KIF2C: variants seen among roughly 807,000 people sequenced by gnomAD.
KIF2C encodes kinesin-like protein KIF2C.
A neutral mutation model predicts 97.4 loss-of-function variants in KIF2C; 34 were observed. The observed-to-expected ratio is 0.35, with a 90% CI of 0.27 to 0.46. The LOEUF is 0.46. KIF2C is among the 20% of genes least tolerant of loss of function. KIF2C has a pLI of 1.00. For synonymous variants in KIF2C, 313 were observed against 318.2 expected (o/e 0.98, Z 0.17); for missense variants, 750 against 907.6 (o/e 0.83, Z 2.23).
At chr1:44,747,333 A>G (rs1032217561) in intron 2 of KIF2C, 51 bp from the exon 3 acceptor site, 27 of 1,361,292 alleles carry the variant, frequency 2.0e-5, no homozygotes, top group African/African-American at 3.0e-5. Flanking sequence ...GAAAAAATGT[A>G]TTTGGATTGA....
Position 44,759,384 on chromosome 1 carries a change from C to T in KIF2C, c.1367+36C>T, listed in dbSNP as rs761206945. ...TGGTGAGGGGAAGGAGCGACCTTCT[C>T]ATGTCTGGTTTATGAGTAAAGTCTA... On this transcript the variant is annotated intron_variant, in intron 14 of 20. Transcript: ENST00000372224. 8.7e-6 allele frequency: 14 copies of T among 1,611,394 alleles called. No homozygotes were observed. The African/African-American group carries it at 1.1e-4, about 12-fold the overall frequency.
intron 2 of KIF2C, among the ~76,000 whole-genome samples, chr1:44,744,590 G>T (rs1313265863): frequency 1.3e-5 from 2 of 152,178 alleles, no homozygotes; most frequent in Non-Finnish European, 1.5e-5. Context: ...TCAGTTGATT[G>T]TCAGAGCAAG....
intron 18 of KIF2C, 22 bp from the exon 19 acceptor site, chr1:44,762,523 T>A: frequency 1.2e-6 from 2 of 1,611,564 alleles, no homozygotes; most frequent in South Asian, 2.2e-5. Flanking sequence ...CACATAATTG[T>A]CTTTCTTTTT....
At chr1:44,744,675 C>T (rs1458182180) in intron 2 of KIF2C, among the ~76,000 whole-genome samples, 5 of 152,014 alleles carry the variant, frequency 3.3e-5, no homozygotes, top group Admixed American at 2.6e-4. Flanking sequence ...CTGAAGCGGG[C>T]GGATCATGAG....
intron 2 of KIF2C, chr1:44,746,665 CTGTT>C: frequency 6.4e-7 from 1 of 1,573,354 alleles, no homozygotes; most frequent in Non-Finnish European, 8.6e-7. Context: ...GAGTACCCGA[CTGTT>C]TGCCTGCCTG....
chr1:44,753,035 C>T, intron 5 of KIF2C, 97 bp from the exon 6 acceptor site: 1 of 1,434,342 alleles, frequency 7.0e-7, no homozygotes, highest in South Asian at 1.3e-5. Flanking sequence ...ACCGAGCAGG[C>T]AGGTCGCTCT....
chr1:44,754,142 G>A (rs905283135), intron 7 of KIF2C, among the ~76,000 whole-genome samples: 4 of 151,566 alleles, frequency 2.6e-5, no homozygotes, highest in East Asian at 1.9e-4. Flanking sequence ...ACAGAGTTTC[G>A]CTATTTTGCC....
chr1:44,750,451 G>A lies in KIF2C; in HGVS notation c.326G>A (p.Ser109Asn). The change falls in exon 5 of 21, where the codon AGC (serine) becomes AAC (asparagine). Residue 109 changes from serine to asparagine, a missense_variant. Ser to Asn is a conservative substitution (Grantham distance 46, BLOSUM62 1). Transcript: ENST00000372224. ...GCTCTCGGTTCTCCAGGTCTTCGAA[G>A]CCGCTCCACTCGCATGTCCACTGTC... is the stretch of plus-strand genomic sequence containing the variant. ...KIPAPKESLR[S>N]RSTRMSTVSE... 6.1e-6 allele frequency: 9 copies of A among 1,482,588 alleles called. No individual in the cohort carries two copies. The highest frequency in any genetic ancestry group is 1.4e-5 in the South Asian group (1 of 71,610). The allele number at this position is 1,482,588 out of a possible 1,614,324, so 91.8% of individuals were successfully genotyped here. A position where few individuals can be genotyped will look rare whatever the true frequency, so the allele number is the denominator to read the frequency against.
At chr1:44,765,774 G>A (rs947980691) in intron 19 of KIF2C, among the ~76,000 whole-genome samples, 3 of 152,262 alleles carry the variant, frequency 2.0e-5, no homozygotes, top group Non-Finnish European at 2.9e-5. Context: ...TCATTTGACC[G>A]GGCGTGATGG....
At chr1:44,758,238 ATTAGC>A in intron 13 of KIF2C, 98 bp downstream of exon 13, 1 of 631,452 alleles carries the variant, frequency 1.6e-6, no homozygotes, top group Non-Finnish European at 2.4e-6. Context: ...CTATTAGCTG[ATTAGC>A]TGTCAAGCCA....
chr1:44,749,757 C>T (rs1352982167), intron 4 of KIF2C, among the ~76,000 whole-genome samples: 4 of 151,990 alleles, frequency 2.6e-5, no homozygotes, highest in Non-Finnish European at 5.9e-5. Context: ...TGCACTCCAG[C>T]CTGGGTGGCA....
Position 44,757,941 on chromosome 1 carries a change from A to C in KIF2C, c.1102A>C (p.Asn368His), listed in dbSNP as rs751326962. 1.2e-6 allele frequency: 2 copies of C among 1,614,194 alleles called. No individual in the cohort carries two copies. The highest frequency in any genetic ancestry group is 4.5e-5 in the East Asian group (2 of 44,882). The change falls in exon 12 of 21, where the codon AAT becomes CAT. Residue 368 changes from asparagine (N) to histidine (H), a missense_variant. Transcript: ENST00000372224. ...CGGAGACCTCTCTGGGAAAGCCCAG[A>C]ATGCATCCAAAGGGATCTATGCCAT... Reference protein sequence around the residue: ...MGGDLSGKAQNASKGIYAMAS... With the variant: ...MGGDLSGKAQHASKGIYAMAS...
chr1:44,758,017 G>C, intron 12 of KIF2C, 32 bp from the exon 13 acceptor site: 1 of 1,614,064 alleles, frequency 6.2e-7, no homozygotes, highest in Non-Finnish European at 8.5e-7. Context: ...CAGAAAGGCA[G>C]GTTGTTTGCT....
At position 44,753,747 on chromosome 1, in the gene KIF2C, T is replaced by C. The variant is rs778558539; in HGVS notation, c.577T>C (p.Cys193Arg). ...TGTTTTCATAGTTCGGAGGAAATCATGTCTTGTGAAGGAAGTGGAAAAAAT... is the reference window on the plus strand; with the variant it reads ...TGTTTTCATAGTTCGGAGGAAATCACGTCTTGTGAAGGAAGTGGAAAAAAT... ...NPVNSVRRKS[C>R]LVKEVEKMKN... The change falls in exon 7 of 21, where the codon TGT becomes CGT. Residue 193 changes from cysteine to arginine, a missense_variant. Transcript: ENST00000372224. 3.1e-6 allele frequency: 5 copies of C among 1,603,614 alleles called. No homozygotes were observed. The Admixed American group carries it at 6.9e-5, about 22-fold the overall frequency.
chr1:44,749,294 C>G (rs927488329), intron 4 of KIF2C, among the ~76,000 whole-genome samples: 1 of 151,964 alleles, frequency 6.6e-6, no homozygotes, highest in Admixed American at 6.6e-5. Context: ...ATTAGCCAGG[C>G]GTGGTGGTGG....
intron 2 of KIF2C, 130 bp from the exon 3 acceptor site, chr1:44,747,254 A>G: frequency 2.8e-6 from 2 of 720,804 alleles, no homozygotes; most frequent in Non-Finnish European, 4.7e-6. Flanking sequence ...GTTGCATTGA[A>G]CCAAGATCGC....
chr1:44,755,089 T>C (rs985485061), intron 8 of KIF2C, among the ~76,000 whole-genome samples: 1 of 151,982 alleles, frequency 6.6e-6, no homozygotes, highest in African/African-American at 2.4e-5. Context: ...CCCAGGTAGC[T>C]GGGACCATAG....
intron 4 of KIF2C, among the ~76,000 whole-genome samples, chr1:44,748,437 C>T (rs1649334290): frequency 6.6e-6 from 1 of 152,140 alleles, no homozygotes; most frequent in African/African-American, 2.4e-5. Flanking sequence ...TATTGTGGTG[C>T]TGGCCCTTTC....
At chr1:44,742,554 A>C (rs1346190413) in intron 2 of KIF2C, among the ~76,000 whole-genome samples, 1 of 151,814 alleles carries the variant, frequency 6.6e-6, no homozygotes, top group Non-Finnish European at 1.5e-5. Context: ...CCCCATCTCT[A>C]CTAAAAATAC....
Sources: allele counts gnomAD v4.1 joint callset (sites outside exome capture counted in the v4.1 genomes callset), GRCh38; gene constraint gnomAD v4.1.1; transcripts MANE v1.5; gene names NCBI Gene and HGNC (gene_info 2026-07-23, HGNC 2026-07-21).